RPL30: variants seen among roughly 807,000 people sequenced by gnomAD.
The protein encoded by RPL30 is large ribosomal subunit protein eL30.
For missense variants in RPL30, 60 were observed against 138.0 expected (o/e 0.43, Z 2.83); for synonymous variants, 40 against 50.4 (o/e 0.79, Z 0.87).
At position 98,041,781 on chromosome 8, in the gene RPL30, A is replaced by G; in HGVS notation, c.*20T>C. ...TTGCAGGTTTAAGGTTTGCAGGTGA[A>G]ATTTTGTAGGTGAAAAGGTTTACTT... On this transcript the variant is annotated 3_prime_UTR_variant, in exon 5 of 5. Coordinates refer to ENST00000287038, the MANE Select transcript of RPL30 (RefSeq NM_000989.4). 6.3e-7 allele frequency: 1 copy of G among 1,576,348 alleles called. No individual in the cohort carries two copies.
At chr8:98,043,910 C>G (rs928672434) in intron 3 of RPL30, 4 of 151,464 alleles carry the variant, frequency 2.6e-5, no homozygotes, top group African/African-American at 7.3e-5. Flanking sequence ...GTCAGGAGTC[C>G]GAGACCAGCC....
In RPL30 at chr8:98,045,104, T is replaced by C. The variant is rs765389263; in HGVS notation, c.22-16A>G. 7.4e-6 allele frequency: 12 copies of C among 1,612,224 alleles called. No individual in the cohort carries two copies. The African/African-American group carries it at 1.5e-4, about 20-fold the overall frequency. ...GCGACTTTTTCTACAAAGCAAACATTAAATACGGACCTAAGGGCCTCGCCT... is the reference window on the plus strand; with the variant it reads ...GCGACTTTTTCTACAAAGCAAACATCAAATACGGACCTAAGGGCCTCGCCT... On this transcript the variant is annotated splice_polypyrimidine_tract_variant and intron_variant, in intron 2 of 4. Transcript: ENST00000287038.
chr8:98,042,215 C>T, intron 4 of RPL30: 1 of 545,704 alleles, frequency 1.8e-6, no homozygotes, highest in Non-Finnish European at 3.6e-6. Context: ...AGAATATTCG[C>T]AGTATTCTAT....
At chr8:98,042,604 A>C (rs775308206) in intron 4 of RPL30, 41 bp downstream of exon 4, 1 of 1,458,992 alleles carries the variant, frequency 6.9e-7, no homozygotes, top group African/African-American at 2.5e-5. Context: ...TTACATTAGA[A>C]AGGCAAAAAA....
chr8:98,043,257 G>C (rs1365271549), intron 3 of RPL30: 1 of 152,212 alleles, frequency 6.6e-6, no homozygotes. Flanking sequence ...CTCTCAAGTA[G>C]CTGGGATTAC....
rs780648509 is a variant in RPL30 at position 98,041,792 on chromosome 8, T to G, written c.*9A>C. On this transcript the variant is annotated 3_prime_UTR_variant, in exon 5 of 5. Coordinates refer to ENST00000287038, the MANE Select transcript of RPL30 (RefSeq NM_000989.4). Reference sequence around the variant, plus strand: ...AGGTTTGCAGGTGAAATTTTGTAGGTGAAAAGGTTTACTTTTCACCAGTCT... The same window carrying G: ...AGGTTTGCAGGTGAAATTTTGTAGGGGAAAAGGTTTACTTTTCACCAGTCT... 31 of 1,588,390 alleles carry G rather than the reference T, an allele frequency of 2.0e-5. No individual in the cohort carries two copies. In the Admixed American group the frequency reaches 5.2e-4, roughly 27 times the overall value.
At chr8:98,045,126 G>T (rs1272744788) in intron 2 of RPL30, 38 bp from the exon 3 acceptor site, 51 of 1,591,852 alleles carry the variant, frequency 3.2e-5, no homozygotes, top group Non-Finnish European at 4.3e-5. Context: ...TAAGGGCCTC[G>T]CCTGCAACCG....
At chr8:98,042,043 C>T (rs777017896) in intron 4 of RPL30, 193 bp from the exon 5 acceptor site, 1 of 716,814 alleles carries the variant, frequency 1.4e-6, no homozygotes, top group Non-Finnish European at 2.5e-6. Context: ...CCTAGAATCA[C>T]AGCCATTATA....
At chr8:98,043,868 T>C (rs1233298963) in intron 3 of RPL30, 1 of 151,950 alleles carries the variant, frequency 6.6e-6, no homozygotes, top group Admixed American at 6.6e-5. Flanking sequence ...ATCTCAGCAG[T>C]TTGGGAGGCC....
At chr8:98,042,921 C>A (rs543448998) in intron 3 of RPL30, 146 bp from the exon 4 acceptor site, 12 of 729,434 alleles carry the variant, frequency 1.6e-5, no homozygotes, top group Admixed American at 3.4e-5. Flanking sequence ...ACATCATATT[C>A]ATTATCCAAT....
At chr8:98,042,593 A>G in intron 4 of RPL30, 52 bp downstream of exon 4, 2 of 1,500,974 alleles carry the variant, frequency 1.3e-6, no homozygotes, top group South Asian at 1.2e-5. Flanking sequence ...TTGTCCAGAC[A>G]TTACATTAGA....
rs1814396530 is a variant in RPL30 at position 98,042,556 on chromosome 8, CAA to C, written c.298+87_298+88del. The C allele has an allele frequency of 1.2e-4, 152 of 1,280,424 alleles. No homozygotes were observed. The South Asian group carries it at 2.0e-3, about 17-fold the overall frequency. 79.3% of individuals were successfully genotyped at this position (1,280,424 alleles called of 1,614,324 possible). On this transcript the variant is annotated intron_variant, in intron 4 of 4. Transcript: ENST00000287038. ...CCATATTCTATCTGAATTTAGGAAC[CAA>C]AGACATTTGCGTAGTAAGAAATACT...
intron 3 of RPL30, 82 bp downstream of exon 3, chr8:98,044,861 C>T: frequency 3.5e-6 from 5 of 1,427,788 alleles, no homozygotes; most frequent in Non-Finnish European, 4.8e-6. Context: ...GTTCATGGTA[C>T]TCAGATTACA....
Position 98,044,926 on chromosome 8 carries a change from TCA to T in RPL30, c.167+15_167+16del, listed in dbSNP as rs1367078187. ...TGAATTCGCGGTAGGCGAAGCCCGT[TCA>T]GTCTCTTCGATTACCTCAAAGCTGG... is the stretch of plus-strand genomic sequence containing the variant. On this transcript the variant is annotated intron_variant, in intron 3 of 4. Coordinates refer to ENST00000287038, the MANE Select transcript of RPL30 (RefSeq NM_000989.4). 1.9e-6 allele frequency: 3 copies of T among 1,610,756 alleles called. No individual in the cohort carries two copies. The highest frequency in any genetic ancestry group is 1.7e-5 in the Admixed American group (1 of 59,558).
At position 98,042,916 on chromosome 8, in the gene RPL30, A is replaced by G. The variant is rs1192623539; in HGVS notation, c.168-141T>C. 5.3e-6 allele frequency: 4 copies of G among 751,122 alleles called. No individual in the cohort carries two copies. In the African/African-American group the frequency reaches 7.3e-5, roughly 14 times the overall value. The allele number at this position is 751,122 out of a possible 1,614,324, so 46.5% of individuals were successfully genotyped here. A position where few individuals can be genotyped will look rare whatever the true frequency, so the allele number is the denominator to read the frequency against. On this transcript the variant is annotated intron_variant, in intron 3 of 4. Transcript: ENST00000287038. The stretch of plus-strand genomic sequence containing the variant: ...ATCACATATTACTCTTAAAAACATC[A>G]TATTCATTATCCAATACAAACCAAC...
In RPL30 at chr8:98,041,746, A is replaced by C; in HGVS notation, c.*55T>G. 8.5e-7 allele frequency: 1 copy of C among 1,177,972 alleles called. No individual in the cohort carries two copies. The highest frequency in any genetic ancestry group is 2.1e-5 in the Admixed American group (1 of 46,710). 73.0% of individuals were successfully genotyped at this position (1,177,972 alleles called of 1,614,324 possible). On this transcript the variant is annotated 3_prime_UTR_variant, in exon 5 of 5. Coordinates refer to ENST00000287038, the MANE Select transcript of RPL30 (RefSeq NM_000989.4). The stretch of plus-strand genomic sequence containing the variant: ...TTTTTAAAACAAGCAAATTTTATTA[A>C]AGGAAAATTTTGCAGGTTTAAGGTT...
In RPL30 at chr8:98,042,785, C is replaced by A; in HGVS notation, c.168-10G>T. ...CTCTATTTCAGATTTCCTTTGGGAA[C>A]CAAAATGGGCAAATAAATAAATGCG... On this transcript the variant is annotated splice_polypyrimidine_tract_variant and intron_variant, in intron 3 of 4. Coordinates refer to ENST00000287038, the MANE Select transcript of RPL30 (RefSeq NM_000989.4). 6.4e-7 allele frequency: 1 copy of A among 1,552,322 alleles called. No homozygotes were observed. Among genetic ancestry groups the A allele is most frequent in the Non-Finnish European group, 8.7e-7 (1 of 1,154,842 alleles).
chr8:98,041,768 G>A lies in RPL30; in HGVS notation c.*33C>T. 1 of 1,518,214 alleles carries A rather than the reference G, an allele frequency of 6.6e-7. No individual in the cohort carries two copies. The highest frequency in any genetic ancestry group is 2.3e-5 in the East Asian group (1 of 44,208). The allele number at this position is 1,518,214 out of a possible 1,614,324, so 94.0% of individuals were successfully genotyped here. On this transcript the variant is annotated 3_prime_UTR_variant, in exon 5 of 5. Transcript: ENST00000287038. Reference sequence around the variant, plus strand: ...TTAAAGGAAAATTTTGCAGGTTTAAGGTTTGCAGGTGAAATTTTGTAGGTG... The same window carrying A: ...TTAAAGGAAAATTTTGCAGGTTTAAAGTTTGCAGGTGAAATTTTGTAGGTG...
chr8:98,045,533 G>A lies in RPL30; in HGVS notation c.-58C>T. On this transcript the variant is annotated 5_prime_UTR_variant, in exon 1 of 5. Coordinates refer to ENST00000287038, the MANE Select transcript of RPL30 (RefSeq NM_000989.4). ...CAACAGCAGCCGCTAAGATGGCCGGGGAACGAGAAAGGAAAGACTTCCCAC... is the reference window on the plus strand; with the variant it reads ...CAACAGCAGCCGCTAAGATGGCCGGAGAACGAGAAAGGAAAGACTTCCCAC... 7.5e-6 allele frequency: 5 copies of A among 667,618 alleles called. No individual in the cohort carries two copies. The highest frequency in any genetic ancestry group is 2.7e-5 in the Admixed American group (1 of 37,442). The allele number at this position is 667,618 out of a possible 1,614,324, so 41.4% of individuals were successfully genotyped here.
Sources: allele counts gnomAD v4.1 joint callset, GRCh38; gene constraint gnomAD v4.1.1; transcripts MANE v1.5; gene names NCBI Gene and HGNC (gene_info 2026-07-23, HGNC 2026-07-21).